Variants in FANCA observed in about 807,000 individuals in gnomAD.
FANCA encodes Fanconi anemia group A protein.
A neutral mutation model predicts 194.3 loss-of-function variants in FANCA; 236 were observed. That is an observed-to-expected ratio of 1.21 (90% CI 1.09 to 1.35). The LOEUF is 1.35. FANCA is among the 40% of genes most tolerant of loss of function. The probability of loss-of-function intolerance (pLI) is 0.00; values close to 1 mark genes in which losing one functional copy is unlikely to be tolerated. For missense variants in FANCA, 2,628 were observed against 1,813.9 expected (o/e 1.45, Z -8.15); for synonymous variants, 1,014 against 715.8 (o/e 1.42, Z -6.65).
chr16:89,768,701 A>C (rs1478500169), intron 26 of FANCA, among the ~76,000 whole-genome samples: 1 of 151,940 alleles, frequency 6.6e-6, no homozygotes, highest in African/African-American at 2.4e-5. Context: ...AACAAAACAC[A>C]CACCAAATAT....
At chr16:89,740,302 C>T (rs949547059) in intron 38 of FANCA, 7 of 594,246 alleles carry the variant, frequency 1.2e-5, no homozygotes, top group Non-Finnish European at 2.1e-5. Context: ...TTCGAGCACC[C>T]ACACCAAGGC....
In FANCA at chr16:89,791,440, C is replaced by T. The variant is rs371716550; in HGVS notation, c.1322G>A (p.Gly441Asp). ...FLVVRQAALEGPSAFLSYADW... is the reference protein window; with the variant it reads ...FLVVRQAALEDPSAFLSYADW... ...TGCATATGACAGGAACGCAGAGGGG[C>T]CCTCCAGTGCTGCCTGGCGCACAAC... is the stretch of plus-strand genomic sequence containing the variant. Residue 441 changes from glycine to aspartate, a missense_variant, in exon 14 of 43, where the codon GGC becomes GAC. Gly to Asp is a moderately conservative substitution (Grantham distance 94). Transcript: ENST00000389301. 8.7e-6 allele frequency: 14 copies of T among 1,613,956 alleles called. No homozygotes were observed. Among genetic ancestry groups the T allele is most frequent in the African/African-American group, 1.3e-5 (1 of 74,942 alleles).
intron 20 of FANCA, 116 bp from the exon 21 acceptor site, chr16:89,775,931 A>G (rs1376925042): frequency 9.7e-6 from 6 of 616,270 alleles, no homozygotes; most frequent in Non-Finnish European, 1.4e-5. Context: ...AATTATAAAT[A>G]CTGTGTACAG....
At position 89,774,380 on chromosome 16, in the gene FANCA, G is replaced by C. The variant is rs571203777; in HGVS notation, c.1901-996C>G. On this transcript the variant is annotated intron_variant, in intron 21 of 42. Coordinates refer to ENST00000389301, the MANE Select transcript of FANCA (RefSeq NM_000135.4). Reference sequence around the variant, plus strand: ...AGAGAAGCAAACGCCTCACACCGCAGGGTACACAGCCCTGAGGCCCCTGTG... The same window carrying C: ...AGAGAAGCAAACGCCTCACACCGCACGGTACACAGCCCTGAGGCCCCTGTG... Among the ~76,000 whole-genome samples, 16 of 152,218 alleles carry C rather than the reference G, an allele frequency of 1.1e-4. No individual in the cohort carries two copies. The South Asian group carries it at 2.1e-3, about 20-fold the overall frequency.
intron 5 of FANCA, 74 bp from the exon 6 acceptor site, chr16:89,808,441 T>C (rs2040749549): frequency 6.9e-7 from 1 of 1,445,750 alleles, no homozygotes; most frequent in African/African-American, 1.4e-5. Flanking sequence ...TATGAATGCA[T>C]TTTCCTACAA....
rs1406509004 is a variant in FANCA, at chr16:89,765,075, G to T, written c.2602-9C>A. On this transcript the variant is annotated splice_polypyrimidine_tract_variant and intron_variant, in intron 27 of 42. Coordinates refer to ENST00000389301, the MANE Select transcript of FANCA (RefSeq NM_000135.4). ...AACATGAGGAACTGAAACTGAAACAGAGAGTGACCCGGCCGTTTCTTCATT... is the reference window on the plus strand; with the variant it reads ...AACATGAGGAACTGAAACTGAAACATAGAGTGACCCGGCCGTTTCTTCATT... 6.2e-7 allele frequency: 1 copy of T among 1,612,092 alleles called. No individual in the cohort carries two copies. The highest frequency in any genetic ancestry group is 1.3e-5 in the African/African-American group (1 of 75,042).
At chr16:89,774,243 T>C (rs1363032433) in intron 21 of FANCA, among the ~76,000 whole-genome samples, 4 of 152,150 alleles carry the variant, frequency 2.6e-5, no homozygotes, top group Non-Finnish European at 5.9e-5. Context: ...TAGGAGTCTG[T>C]GCATAAGCCT....
chr16:89,792,338 G>A, intron 12 of FANCA, 133 bp downstream of exon 12: 1 of 1,026,278 alleles, frequency 9.7e-7, no homozygotes, highest in Non-Finnish European at 1.5e-6. Context: ...CCTTGATGAG[G>A]ACAGCCACAT....
chr16:89,764,763 G>T, intron 28 of FANCA, 127 bp downstream of exon 28: 2 of 1,146,364 alleles, frequency 1.7e-6, no homozygotes, highest in Non-Finnish European at 1.3e-6. Context: ...ACACACCCTA[G>T]ACTCGGGACG....
intron 9 of FANCA, 45 bp from the exon 10 acceptor site, chr16:89,799,277 G>A (rs545573045): frequency 2.4e-5 from 39 of 1,609,790 alleles, no homozygotes; most frequent in Admixed American, 3.3e-5. Context: ...AGCACACGGC[G>A]GCAGCCCACC....
Position 89,803,286 on chromosome 16 carries a change from T to C in FANCA, c.765A>G (p.Arg255=). Residue 255 remains arginine (R), a synonymous_variant, in exon 8 of 43, where the codon AGA becomes AGG. Coordinates refer to ENST00000389301, the MANE Select transcript of FANCA (RefSeq NM_000135.4). ...RGFQKNSDLR[R]TVEPEKMPQV... is the part of the protein sequence containing the mutation. ...GCGGCATTTTTTCAGGCTCCACAGT[T>C]CTTCTCAGATCTGAGTTTTTCTGAA... The C allele has an allele frequency of 6.2e-7, 1 of 1,614,080 alleles. No individual in the cohort carries two copies. Among genetic ancestry groups the C allele is most frequent in the Non-Finnish European group, 8.5e-7 (1 of 1,179,996 alleles).
intron 29 of FANCA, among the ~76,000 whole-genome samples, chr16:89,759,803 G>A (rs994118244): frequency 2.6e-5 from 4 of 152,232 alleles, no homozygotes; most frequent in East Asian, 1.9e-4. Context: ...CATCAATACC[G>A]CAATCCATTT....
At chr16:89,816,437 A>C in intron 1 of FANCA, 100 bp downstream of exon 1, 2 of 1,109,200 alleles carry the variant, frequency 1.8e-6, no homozygotes, top group Non-Finnish European at 2.4e-6. Flanking sequence ...GCGTCCGGGG[A>C]TCCGACCGGC....
chr16:89,807,515 C>T lies in FANCA; in HGVS notation c.596+779G>A, dbSNP rs934221022. On this transcript the variant is annotated intron_variant, in intron 6 of 42. Transcript: ENST00000389301. Reference sequence around the variant, plus strand: ...CTGTAATCCCAGCACTTTGGGAGGCCGAGGCAGGGGAATCACCTGAGGTTA... The same window carrying T: ...CTGTAATCCCAGCACTTTGGGAGGCTGAGGCAGGGGAATCACCTGAGGTTA... Among the ~76,000 whole-genome samples the T allele has an allele frequency of 5.3e-5, 8 of 151,540 alleles. No individual in the cohort carries two copies. The South Asian group carries it at 6.3e-4, about 12-fold the overall frequency.
intron 2 of FANCA, 28 bp downstream of exon 2, chr16:89,815,849 C>T: frequency 6.4e-7 from 1 of 1,552,270 alleles, no homozygotes; most frequent in Non-Finnish European, 8.9e-7. Context: ...CTAAATCTGC[C>T]CGCAGACGGA....
chr16:89,788,500 C>G (rs1159103706), intron 14 of FANCA, among the ~76,000 whole-genome samples: 1 of 151,808 alleles, frequency 6.6e-6, no homozygotes, highest in Non-Finnish European at 1.5e-5. Flanking sequence ...ATACATTTAT[C>G]AAAACTCATC....
Position 89,784,886 on chromosome 16 carries a change from G to C in FANCA, c.1438C>G (p.Leu480Val), listed in dbSNP as rs1444498671. 1 of 1,614,068 alleles carries C rather than the reference G, an allele frequency of 6.2e-7. No homozygotes were observed. Among genetic ancestry groups the C allele is most frequent in the Non-Finnish European group, 8.5e-7 (1 of 1,180,004 alleles). The change falls in exon 15 of 43, where the codon CTC becomes GTC. Residue 480 changes from leucine to valine, a missense_variant. Transcript: ENST00000389301. ...LVFLFTFLSE[L>V]VPFESPRYLQ... Reference sequence around the variant, plus strand: ...TACCGGGGAGACTCAAAAGGCACGAGTTCTGACAAGAACGTAAACAGGAAG... The same window carrying C: ...TACCGGGGAGACTCAAAAGGCACGACTTCTGACAAGAACGTAAACAGGAAG...
intron 30 of FANCA, among the ~76,000 whole-genome samples, chr16:89,753,041 T>C (rs1778830174): frequency 6.6e-6 from 1 of 152,174 alleles, no homozygotes. Flanking sequence ...ACCTTCATGT[T>C]CCATCCTGTA....
intron 22 of FANCA, 147 bp downstream of exon 22, chr16:89,773,124 C>T: frequency 1.4e-6 from 1 of 696,798 alleles, no homozygotes; most frequent in Non-Finnish European, 2.5e-6. Flanking sequence ...GGTTCCACAC[C>T]CGCCAGCCCG....
Sources: allele counts gnomAD v4.1 joint callset (sites outside exome capture counted in the v4.1 genomes callset), GRCh38; gene constraint gnomAD v4.1.1; transcripts MANE v1.5; gene names NCBI Gene and HGNC (gene_info 2026-07-23, HGNC 2026-07-21).